The following PCDH15 variants were observed in gnomAD, a reference collection of about 807,000 sequenced individuals.
PCDH15 encodes the protein protocadherin related 15.
PCDH15 carries 129 observed loss-of-function variants against 178.5 expected under a neutral mutation model. That is an observed-to-expected ratio of 0.72 (90% CI 0.63 to 0.84). The LOEUF (loss-of-function observed/expected upper bound fraction) is 0.84. PCDH15 is among the 40% of genes least tolerant of loss of function. PCDH15 has a pLI of 0.00. For synonymous variants in PCDH15, 800 were observed against 732.0 expected, an observed-to-expected ratio of 1.09 and a Z score of -1.50; for missense variants, 2,230 against 2,099.9, an observed-to-expected ratio of 1.06 and a Z score of -1.21.
intron 15 of PCDH15, among the ~76,000 whole-genome samples, chr10:54,122,000 C>CAG (rs199773906): frequency 0.38 from 51,527 of 135,904 alleles, 9,426 homozygotes; most frequent in Non-Finnish European, 0.45. Context: ...GGCAAAGACA[C>CAG]ATACACACAC....
rs768457667 is a variant in PCDH15, at chr10:54,699,803, GT to G, written c.-28-35514del. Among the ~76,000 whole-genome samples the G allele has an allele frequency of 6.1e-4, 92 of 150,506 alleles. 1 individual carries two copies. The highest frequency in any genetic ancestry group is 1.2e-3 in the Non-Finnish European group (84 of 67,512). ...TTTAGCATCTCAGTAGCAATAAATA[GT>G]TTTTTATTTCTTTATCTTTTTAACA... On this transcript the variant is annotated intron_variant, in intron 1 of 37. Transcript: ENST00000644397.
intron 8 of PCDH15, among the ~76,000 whole-genome samples, chr10:54,270,514 T>C (rs1358604944): frequency 1.3e-5 from 2 of 152,140 alleles, no homozygotes; most frequent in Admixed American, 6.6e-5. Flanking sequence ...GGTCAAACTA[T>C]AAAGATGTAG....
chr10:55,172,785 T>C (rs1487366683), intron 1 of PCDH15, among the ~76,000 whole-genome samples: 1 of 152,000 alleles, frequency 6.6e-6, no homozygotes, highest in African/African-American at 2.4e-5. Context: ...GGCCTATGTA[T>C]GTTAAAACAA....
chr10:54,242,128 TTTTA>T lies in PCDH15; in HGVS notation c.877-5201_877-5198del, dbSNP rs1181446948. ...AATGAACTTTTGGTCTGAATTCTAT[TTTTA>T]TATATATATATATATATATATATAT... On this transcript the variant is annotated intron_variant, in intron 8 of 37. Coordinates refer to ENST00000644397, the MANE Select transcript of PCDH15 (RefSeq NM_001384140.1). Among the ~76,000 whole-genome samples the T allele has an allele frequency of 5.4e-3, 337 of 61,958 alleles. 34 individuals are homozygous for T. Among genetic ancestry groups the T allele is most frequent in the Middle Eastern group, 0.012 (1 of 86 alleles). The allele number at this position is 61,958 out of a possible 152,430, so 40.6% of individuals were successfully genotyped here. A position where few individuals can be genotyped will look rare whatever the true frequency, so the allele number is the denominator to read the frequency against.
intron 2 of PCDH15, among the ~76,000 whole-genome samples, chr10:55,552,839 G>A (rs1035875331): frequency 3.3e-5 from 5 of 151,444 alleles, no homozygotes; most frequent in African/African-American, 9.7e-5. Flanking sequence ...CCCCATAAAT[G>A]TGATTTTGTT....
At chr10:54,200,692 C>G (rs1202509701) in intron 10 of PCDH15, among the ~76,000 whole-genome samples, 1 of 152,106 alleles carries the variant, frequency 6.6e-6, no homozygotes, top group African/African-American at 2.4e-5. Context: ...CAGCATTATT[C>G]ACTATCCTTT....
chr10:54,424,088 T>C (rs1955909898), intron 3 of PCDH15, among the ~76,000 whole-genome samples: 1 of 151,724 alleles, frequency 6.6e-6, no homozygotes, highest in South Asian at 2.1e-4. Context: ...ACCTACAGAA[T>C]GGGAGAAAAG....
intron 23 of PCDH15, among the ~76,000 whole-genome samples, chr10:53,954,666 A>T (rs1451573948): frequency 6.6e-6 from 1 of 152,226 alleles, no homozygotes; most frequent in Non-Finnish European, 1.5e-5. Context: ...TTCAACCTTT[A>T]GCTTGAAGTC....
At chr10:54,427,758 T>C (rs991888112) in intron 3 of PCDH15, among the ~76,000 whole-genome samples, 6 of 152,188 alleles carry the variant, frequency 3.9e-5, no homozygotes, top group African/African-American at 1.4e-4. Context: ...AGACCAACTG[T>C]GTAAAGGTAC....
At chr10:54,287,413 T>G (rs933950549) in intron 8 of PCDH15, among the ~76,000 whole-genome samples, 7 of 152,186 alleles carry the variant, frequency 4.6e-5, no homozygotes, top group African/African-American at 1.7e-4. Flanking sequence ...CACATTTCTT[T>G]AAAAATGTGT....
At chr10:53,878,375 C>A (rs11524766) in intron 26 of PCDH15, among the ~76,000 whole-genome samples, 1 of 143,608 alleles carries the variant, frequency 7.0e-6, no homozygotes, top group African/African-American at 2.6e-5. Context: ...ATAATATATT[C>A]TATATATAGT....
At chr10:54,816,845 G>C (rs985065626) in intron 3 of PCDH15, among the ~76,000 whole-genome samples, 5 of 151,924 alleles carry the variant, frequency 3.3e-5, no homozygotes, top group Non-Finnish European at 7.4e-5. Context: ...CTATCTAATG[G>C]TATGAAATAC....
intron 2 of PCDH15, among the ~76,000 whole-genome samples, chr10:54,991,220 G>A (rs941461443): frequency 1.3e-5 from 2 of 152,066 alleles, no homozygotes; most frequent in African/African-American, 4.8e-5. Flanking sequence ...CTAGTTTCTT[G>A]CATAAAAAGC....
chr10:54,813,311 C>T (rs1424567372), intron 3 of PCDH15, among the ~76,000 whole-genome samples: 1 of 152,174 alleles, frequency 6.6e-6, no homozygotes, highest in African/African-American at 2.4e-5. Context: ...TTTTCACCTC[C>T]AGTGCAGATC....
intron 25 of PCDH15, among the ~76,000 whole-genome samples, chr10:53,927,892 C>T (rs747511678): frequency 6.6e-6 from 1 of 151,998 alleles, no homozygotes; most frequent in Admixed American, 6.5e-5. Flanking sequence ...ATGACAGGGA[C>T]AATGAATGAT....
intron 8 of PCDH15, among the ~76,000 whole-genome samples, chr10:54,314,078 A>T (rs573817744): frequency 1.3e-4 from 20 of 152,090 alleles, no homozygotes; most frequent in African/African-American, 3.4e-4. Context: ...TTAATACTAA[A>T]AATATATTTT....
chr10:54,214,308 C>G (rs1157637831), intron 9 of PCDH15, among the ~76,000 whole-genome samples: 2 of 151,970 alleles, frequency 1.3e-5, no homozygotes, highest in Non-Finnish European at 2.9e-5. Context: ...TAATTTGAAT[C>G]TTCATCACAT....
chr10:54,413,992 A>G (rs1953948790), intron 3 of PCDH15, among the ~76,000 whole-genome samples: 1 of 152,142 alleles, frequency 6.6e-6, no homozygotes, highest in Admixed American at 6.5e-5. Context: ...CAAATAGTGT[A>G]CGTTGTACCC....
At chr10:54,847,595 G>A (rs985865068) in intron 3 of PCDH15, among the ~76,000 whole-genome samples, 2 of 151,934 alleles carry the variant, frequency 1.3e-5, no homozygotes, top group African/African-American at 4.8e-5. Flanking sequence ...TTGTAACACT[G>A]TACACCACAC....
Sources: gnomAD v4.1 joint callset for allele counts (sites outside exome capture counted in the v4.1 genomes callset) on GRCh38, gnomAD v4.1.1 for gene constraint, MANE v1.5 for transcripts, NCBI Gene and HGNC (gene_info 2026-07-23, HGNC 2026-07-21) for gene names.